TTC27: variants seen among roughly 807,000 people sequenced by gnomAD.
The protein encoded by TTC27 is tetratricopeptide repeat domain 27.
In TTC27, 79 loss-of-function variants were observed where a neutral mutation model predicts 115.9. The ratio of observed to expected loss-of-function variants is 0.68; its 90% CI spans 0.57 to 0.82. The LOEUF (loss-of-function observed/expected upper bound fraction) is 0.82. Ranked by LOEUF, TTC27 falls within the 40% of genes least tolerant of loss-of-function variation. The pLI is 0.00. For missense variants in TTC27, 1,054 were observed against 993.1 expected (o/e 1.06, Z -0.82); for synonymous variants, 401 against 356.0 (o/e 1.13, Z -1.42).
intron 19 of TTC27, among the ~76,000 whole-genome samples, chr2:32,818,889 C>T (rs975121832): frequency 3.3e-5 from 5 of 152,084 alleles, no homozygotes; most frequent in African/African-American, 1.2e-4. Flanking sequence ...AAATAATTAA[C>T]TTACTTCACT....
intron 9 of TTC27, among the ~76,000 whole-genome samples, chr2:32,689,854 T>C (rs1666754580): frequency 1.3e-5 from 2 of 152,206 alleles, no homozygotes; most frequent in African/African-American, 2.4e-5. Flanking sequence ...AAGTGAAGTA[T>C]TAATATATGA....
At chr2:32,715,183 T>TA (rs1667712988) in intron 10 of TTC27, among the ~76,000 whole-genome samples, 1 of 152,218 alleles carries the variant, frequency 6.6e-6, no homozygotes, top group Admixed American at 6.5e-5. Context: ...CTAGGTTATC[T>TA]TCCAGGGATT....
chr2:32,690,308 G>C (rs961421684), intron 9 of TTC27, among the ~76,000 whole-genome samples: 2 of 152,044 alleles, frequency 1.3e-5, no homozygotes, highest in Non-Finnish European at 2.9e-5. Flanking sequence ...AGAAGATCCA[G>C]AGTCTCAAAA....
At chr2:32,646,795 C>T (rs958349708) in intron 4 of TTC27, among the ~76,000 whole-genome samples, 1 of 151,448 alleles carries the variant, frequency 6.6e-6, no homozygotes, top group East Asian at 1.9e-4. Context: ...GATCTCCTGA[C>T]CTTGTGATCC....
At chr2:32,661,463 TCTC>T (rs1665545682) in intron 5 of TTC27, among the ~76,000 whole-genome samples, 1 of 152,166 alleles carries the variant, frequency 6.6e-6, no homozygotes, top group Admixed American at 6.6e-5. Context: ...GGTTTGTAGT[TCTC>T]CTTGAAGAGG....
chr2:32,806,902 T>C (rs1280697129), intron 16 of TTC27, among the ~76,000 whole-genome samples: 1 of 152,208 alleles, frequency 6.6e-6, no homozygotes, highest in East Asian at 1.9e-4. Flanking sequence ...TTTTCTTAAG[T>C]ACAGGGAATA....
At chr2:32,644,221 G>A (rs184280344) in intron 4 of TTC27, among the ~76,000 whole-genome samples, 2 of 150,374 alleles carry the variant, frequency 1.3e-5, no homozygotes, top group East Asian at 2.0e-4. Context: ...GCATGGTGGT[G>A]CATGCCTGTA....
chr2:32,757,250 G>T (rs1192673138), intron 12 of TTC27, among the ~76,000 whole-genome samples: 1 of 152,168 alleles, frequency 6.6e-6, no homozygotes, highest in East Asian at 1.9e-4. Context: ...GGAAAAACAT[G>T]CTTTTCATTG....
chr2:32,640,479 T>C (rs1664601635), intron 4 of TTC27, 69 bp downstream of exon 4: 1 of 1,459,310 alleles, frequency 6.9e-7, no homozygotes, highest in African/African-American at 1.4e-5. Flanking sequence ...AGGCTGTAGA[T>C]GTGTTGCTGA....
At chr2:32,653,026 C>T (rs951082959) in intron 5 of TTC27, among the ~76,000 whole-genome samples, 2 of 152,122 alleles carry the variant, frequency 1.3e-5, no homozygotes, top group African/African-American at 4.8e-5. Context: ...ATCTATTCCT[C>T]AGTACAATCT....
chr2:32,634,523 A>G (rs1366011391), intron 3 of TTC27, among the ~76,000 whole-genome samples: 2 of 151,756 alleles, frequency 1.3e-5, no homozygotes, highest in Non-Finnish European at 2.9e-5. Flanking sequence ...TCCTGGGCTC[A>G]AGTGGTCTGC....
chr2:32,700,038 G>A (rs1196953983), intron 9 of TTC27, among the ~76,000 whole-genome samples: 1 of 152,164 alleles, frequency 6.6e-6, no homozygotes, highest in Non-Finnish European at 1.5e-5. Context: ...CTGCACCATT[G>A]TTGCTAGCAG....
intron 9 of TTC27, among the ~76,000 whole-genome samples, chr2:32,701,572 T>A (rs549360647): frequency 6.6e-6 from 1 of 152,214 alleles, no homozygotes; most frequent in South Asian, 2.1e-4. Context: ...AGTTAGTTGG[T>A]CTAGATTAGA....
At chr2:32,773,048 C>A (rs183417952) in intron 13 of TTC27, among the ~76,000 whole-genome samples, 3 of 152,226 alleles carry the variant, frequency 2.0e-5, no homozygotes, top group Non-Finnish European at 4.4e-5. Context: ...AAACCATGCT[C>A]TCAACCTTTT....
chr2:32,688,204 A>G (rs1213319335), intron 9 of TTC27, among the ~76,000 whole-genome samples: 2 of 152,176 alleles, frequency 1.3e-5, no homozygotes, highest in East Asian at 3.8e-4. Context: ...ATGTTTGTAA[A>G]CCAAACAATT....
intron 7 of TTC27, among the ~76,000 whole-genome samples, chr2:32,671,711 A>T (rs2151884024): frequency 6.6e-6 from 1 of 152,344 alleles, no homozygotes; most frequent in East Asian, 1.9e-4. Flanking sequence ...AGCTTGTCAC[A>T]GTTTGGCATT....
intron 16 of TTC27, among the ~76,000 whole-genome samples, chr2:32,810,078 G>A (rs1481036897): frequency 6.9e-6 from 1 of 145,810 alleles, no homozygotes; most frequent in Non-Finnish European, 1.5e-5. Context: ...TCATACCACT[G>A]CACTCCAGCC....
chr2:32,681,976 A>ATGTG (rs1206569954), intron 9 of TTC27, among the ~76,000 whole-genome samples: 2 of 58,838 alleles, frequency 3.4e-5, no homozygotes, highest in African/African-American at 9.3e-5. Flanking sequence ...ATATATGTAT[A>ATGTG]TATATGTGTG....
At chr2:32,789,162 A>T (rs779382004) in intron 16 of TTC27, among the ~76,000 whole-genome samples, 1 of 152,190 alleles carries the variant, frequency 6.6e-6, no homozygotes, top group South Asian at 2.1e-4. Flanking sequence ...TACATCATAG[A>T]GTTATAAAGT....
Sources: allele counts gnomAD v4.1 joint callset (sites outside exome capture counted in the v4.1 genomes callset), GRCh38; gene constraint gnomAD v4.1.1; transcripts MANE v1.5; gene names NCBI Gene and HGNC (gene_info 2026-07-23, HGNC 2026-07-21).